FMOD: variants seen among roughly 807,000 people sequenced by gnomAD.
The protein encoded by FMOD is fibromodulin, also known as KSPG fibromodulin.
FMOD carries 15 observed loss-of-function variants against 27.0 expected under a neutral mutation model. The ratio of observed to expected loss-of-function variants is 0.55; its 90% CI spans 0.37 to 0.85. The LOEUF is 0.85. Among genes scored for constraint, FMOD ranks in the 40% least tolerant of loss-of-function variants. The pLI is 0.00. For synonymous variants in FMOD, 210 were observed against 214.0 expected (o/e 0.98, Z 0.16); for missense variants, 460 against 483.2 (o/e 0.95, Z 0.45).
intron 2 of FMOD, among the ~76,000 whole-genome samples, chr1:203,343,744 G>A (rs1292921921): frequency 6.6e-6 from 1 of 152,210 alleles, no homozygotes; most frequent in Admixed American, 6.5e-5. Context: ...CTATTCTTAG[G>A]TGTGACCATG....
intron 2 of FMOD, among the ~76,000 whole-genome samples, chr1:203,344,438 C>A (rs1454548178): frequency 6.6e-6 from 1 of 152,142 alleles, no homozygotes; most frequent in African/African-American, 2.4e-5. Flanking sequence ...CAGGCTTCTG[C>A]GTGGAGGCAC....
At chr1:203,345,067 CAT>C (rs1311366646) in intron 2 of FMOD, among the ~76,000 whole-genome samples, 2 of 152,186 alleles carry the variant, frequency 1.3e-5, no homozygotes, top group Non-Finnish European at 2.9e-5. Context: ...AAGCACTTTA[CAT>C]ATATTAATTC....
At chr1:203,348,334 A>G in intron 1 of FMOD, 57 bp from the exon 2 acceptor site, 3 of 1,543,748 alleles carry the variant, frequency 1.9e-6, no homozygotes. Flanking sequence ...CCACAGAGGC[A>G]GTGAGGCAGA....
In FMOD at chr1:203,347,851, C is replaced by G; in HGVS notation, c.420G>C (p.Gln140His). 1 of 1,614,188 alleles carries G rather than the reference C, an allele frequency of 6.2e-7. No homozygotes were observed. The highest frequency in any genetic ancestry group is 8.5e-7 in the Non-Finnish European group (1 of 1,180,040). The change falls in exon 2 of 3, where the codon CAG becomes CAC. Residue 140 changes from glutamine to histidine, a missense_variant. By Grantham distance (24) the Gln-to-His change is conservative. Transcript: ENST00000354955. ...TCCTGCCCACCTTATCACTGGTGATCTGGTTGCCGTGGAGAGCAATCCAGA... is the reference window on the plus strand; with the variant it reads ...TCCTGCCCACCTTATCACTGGTGATGTGGTTGCCGTGGAGAGCAATCCAGA... ...GLLWIALHGN[Q>H]ITSDKVGRKV...
chr1:203,348,369 T>A, intron 1 of FMOD, 92 bp from the exon 2 acceptor site: 1 of 1,318,966 alleles, frequency 7.6e-7, no homozygotes, highest in Non-Finnish European at 1.0e-6. Flanking sequence ...GGCTTTGAGC[T>A]ATGCAGAGCT....
chr1:203,345,196 C>T (rs1194136405), intron 2 of FMOD, among the ~76,000 whole-genome samples: 1 of 152,150 alleles, frequency 6.6e-6, no homozygotes, highest in Non-Finnish European at 1.5e-5. Context: ...TGGGAGTAGA[C>T]ACCGAAAATT....
chr1:203,347,159 G>T, intron 2 of FMOD, 133 bp downstream of exon 2: 2 of 1,014,612 alleles, frequency 2.0e-6, no homozygotes, highest in Non-Finnish European at 1.4e-6. Context: ...GTATGGCTTG[G>T]TTGTCAGGTT....
At chr1:203,347,135 T>G (rs1298393738) in intron 2 of FMOD, among the ~76,000 whole-genome samples, 157 bp downstream of exon 2, 2 of 152,222 alleles carry the variant, frequency 1.3e-5, no homozygotes, top group South Asian at 2.1e-4. Context: ...AAGTGTATTC[T>G]CTTTTGTACA....
At chr1:203,348,317 T>C in intron 1 of FMOD, 40 bp from the exon 2 acceptor site, 2 of 1,582,394 alleles carry the variant, frequency 1.3e-6, no homozygotes, top group Non-Finnish European at 1.7e-6. Context: ...CCAGCATGAG[T>C]GAGACTCCAC....
chr1:203,344,752 G>T (rs1025572009), intron 2 of FMOD, among the ~76,000 whole-genome samples: 6 of 152,192 alleles, frequency 3.9e-5, no homozygotes, highest in Non-Finnish European at 7.3e-5. Context: ...TTTGCAGGGA[G>T]ATGTCCCTCA....
Position 203,347,076 on chromosome 1 carries a change from T to C in FMOD, c.979+216A>G, listed in dbSNP as rs113540063. Among the ~76,000 whole-genome samples the C allele has an allele frequency of 1.0e-2, 1,520 of 152,338 alleles. 29 individuals carry two copies. Among genetic ancestry groups the C allele is most frequent in the African/African-American group, 0.035 (1,459 of 41,572 alleles). On this transcript the variant is annotated intron_variant, in intron 2 of 2. Coordinates refer to ENST00000354955, the MANE Select transcript of FMOD (RefSeq NM_002023.5). ...TTACCTCTCCTGGAAAGTCTTCTTCTGTACCAACCCACTCCCCACTGAATT... is the reference window on the plus strand; with the variant it reads ...TTACCTCTCCTGGAAAGTCTTCTTCCGTACCAACCCACTCCCCACTGAATT...
chr1:203,344,923 C>T (rs1437146254), intron 2 of FMOD, among the ~76,000 whole-genome samples: 1 of 152,134 alleles, frequency 6.6e-6, no homozygotes, highest in African/African-American at 2.4e-5. Flanking sequence ...TGAGAGATGG[C>T]TTTACCTTCT....
chr1:203,348,580 T>C (rs12077300), intron 1 of FMOD, among the ~76,000 whole-genome samples: 14,395 of 152,082 alleles, frequency 0.095, 1,044 homozygotes, highest in African/African-American at 0.21. Context: ...GGCAGATTCT[T>C]AGGAGCCTCT....
chr1:203,340,653 T>C lies in FMOD; in HGVS notation c.*1690A>G, dbSNP rs1299725440. On this transcript the variant is annotated 3_prime_UTR_variant, in exon 3 of 3. Transcript: ENST00000354955. The stretch of plus-strand genomic sequence containing the variant: ...TGCAATCATAAAATAACTTTATTGG[T>C]CAGGTTAGCCACCACTCATGCTTTT... 1 of 152,172 alleles carries C rather than the reference T, an allele frequency of 6.6e-6. No individual in the cohort carries two copies. Among genetic ancestry groups the C allele is most frequent in the Non-Finnish European group, 1.5e-5 (1 of 68,022 alleles). The allele number at this position is 152,172 out of a possible 1,614,324, so 9.4% of individuals were successfully genotyped here. A position where few individuals can be genotyped will look rare whatever the true frequency, so the allele number is the denominator to read the frequency against.
intron 2 of FMOD, among the ~76,000 whole-genome samples, chr1:203,345,551 T>G (rs1239504962): frequency 6.6e-6 from 1 of 152,182 alleles, no homozygotes; most frequent in African/African-American, 2.4e-5. Context: ...TAACTGCTGG[T>G]GTGATGATAG....
rs907777319 is a variant in FMOD, at chr1:203,342,430, C to A, written c.1044G>T (p.Leu348=). The change falls in exon 3 of 3, where the codon CTG becomes CTT. Residue 348 remains leucine (L), a synonymous_variant. Transcript: ENST00000354955. ...DVVNFSKLQV[L]RLDGNEIKRS... is the part of the protein sequence containing the mutation. ...GCTTGATCTCGTTCCCGTCCAGGCGCAGCACCTGCAGCTTGGAGAAGTTCA... is the reference window on the plus strand; with the variant it reads ...GCTTGATCTCGTTCCCGTCCAGGCGAAGCACCTGCAGCTTGGAGAAGTTCA... The A allele has an allele frequency of 6.2e-7, 1 of 1,614,050 alleles. No individual in the cohort carries two copies. The highest frequency in any genetic ancestry group is 8.5e-7 in the Non-Finnish European group (1 of 1,180,018).
intron 2 of FMOD, among the ~76,000 whole-genome samples, chr1:203,346,026 C>G (rs927534865): frequency 2.0e-5 from 3 of 152,046 alleles, no homozygotes; most frequent in African/African-American, 4.8e-5. Flanking sequence ...GCACTTCAAA[C>G]TAAAGGTGCC....
At position 203,347,726 on chromosome 1, in the gene FMOD, T is replaced by C. The variant is rs764115774; in HGVS notation, c.545A>G (p.His182Arg). 1.2e-6 allele frequency: 2 copies of C among 1,613,886 alleles called. No homozygotes were observed. The highest frequency in any genetic ancestry group is 1.7e-6 in the Non-Finnish European group (2 of 1,179,996). Residue 182 changes from histidine to arginine, a missense_variant, in exon 2 of 3, where the codon CAT (histidine) becomes CGT (arginine). Coordinates refer to ENST00000354955, the MANE Select transcript of FMOD (RefSeq NM_002023.5). ...CCGTGAGATCTGGTTGTGGTCGAGA[T>C]GGAGCTCTCTCAGGGATCGAGGCAG... ...GPLPRSLRELHLDHNQISRVP... is the reference protein window; with the variant it reads ...GPLPRSLRELRLDHNQISRVP...
Position 203,342,265 on chromosome 1 carries a change from C to T in FMOD, c.*78G>A. ...TTCTGTCACATGGTCCATCCTGGAC[C>T]TTCCAGCAAAAGCCAAACCAAACCA... On this transcript the variant is annotated 3_prime_UTR_variant, in exon 3 of 3. Coordinates refer to ENST00000354955, the MANE Select transcript of FMOD (RefSeq NM_002023.5). 1 of 1,540,010 alleles carries T rather than the reference C, an allele frequency of 6.5e-7. No homozygotes were observed. The highest frequency in any genetic ancestry group is 1.2e-5 in the South Asian group (1 of 81,830).
Sources: allele counts gnomAD v4.1 joint callset (sites outside exome capture counted in the v4.1 genomes callset), GRCh38; gene constraint gnomAD v4.1.1; transcripts MANE v1.5; gene names NCBI Gene and HGNC (gene_info 2026-07-23, HGNC 2026-07-21).